Variants in DNAI2 observed in about 807,000 individuals in gnomAD.
The protein encoded by DNAI2 is dynein axonemal intermediate chain 2.
A neutral mutation model predicts 74.7 loss-of-function variants in DNAI2; 63 were observed. That is an observed-to-expected ratio of 0.84 (90% CI 0.69 to 1.04). The LOEUF is 1.04. DNAI2 is among the 50% of genes least tolerant of loss of function. The probability of loss-of-function intolerance (pLI) is 0.00; values close to 1 mark genes in which losing one functional copy is unlikely to be tolerated. For synonymous variants in DNAI2, 289 were observed against 314.9 expected, an observed-to-expected ratio of 0.92 and a Z score of 0.87; for missense variants, 688 against 803.2, an observed-to-expected ratio of 0.86 and a Z score of 1.73.
chr17:74,312,364 C>T, intron 12 of DNAI2, 134 bp downstream of exon 12: 1 of 694,308 alleles, frequency 1.4e-6, no homozygotes, highest in Non-Finnish European at 2.4e-6. Context: ...AATTTATTCA[C>T]CTGGCAAGTG....
intron 5 of DNAI2, 84 bp from the exon 6 acceptor site, chr17:74,290,936 A>G (rs2052051173): frequency 8.3e-7 from 1 of 1,199,234 alleles, no homozygotes; most frequent in Non-Finnish European, 1.2e-6. Context: ...TGCCCCCGCT[A>G]CCCACCCGCA....
At chr17:74,284,954 C>G in intron 2 of DNAI2, 86 bp from the exon 3 acceptor site, 2 of 1,572,824 alleles carry the variant, frequency 1.3e-6, no homozygotes, top group East Asian at 4.5e-5. Context: ...GCCCTGGGAG[C>G]CCCCGTGGGA....
At chr17:74,284,069 C>T (rs1338100867) in intron 2 of DNAI2, among the ~76,000 whole-genome samples, 9 of 148,446 alleles carry the variant, frequency 6.1e-5, no homozygotes, top group South Asian at 2.1e-4. Context: ...ATCCAGGAGG[C>T]GAAGGTTGCA....
At position 74,298,665 on chromosome 17, in the gene DNAI2, C is replaced by T. The variant is rs145184706; in HGVS notation, c.725-1053C>T. On this transcript the variant is annotated intron_variant, in intron 6 of 13. Transcript: ENST00000311014. ...TCACCCAGGCTGGGGTGTAGTGGCACGATCATGGCTCACTGCAGCCTCAAC... is the reference window on the plus strand; with the variant it reads ...TCACCCAGGCTGGGGTGTAGTGGCATGATCATGGCTCACTGCAGCCTCAAC... Among the ~76,000 whole-genome samples, 995 of 152,202 alleles carry T rather than the reference C, an allele frequency of 6.5e-3. 10 individuals carry two copies. The highest frequency in any genetic ancestry group is 0.023 in the African/African-American group (952 of 41,530).
chr17:74,303,116 A>G (rs1297776609), intron 8 of DNAI2, among the ~76,000 whole-genome samples: 1 of 152,212 alleles, frequency 6.6e-6, no homozygotes, highest in Non-Finnish European at 1.5e-5. Flanking sequence ...AAGCTTGTGC[A>G]GTCGCCTACA....
At chr17:74,277,006 C>T (rs986763106) in intron 1 of DNAI2, among the ~76,000 whole-genome samples, 3 of 152,164 alleles carry the variant, frequency 2.0e-5, no homozygotes, top group Non-Finnish European at 4.4e-5. Context: ...TGGGGCACCC[C>T]GCTACAATCT....
At chr17:74,311,870 A>T in intron 11 of DNAI2, 133 bp from the exon 12 acceptor site, 1 of 853,646 alleles carries the variant, frequency 1.2e-6, no homozygotes, top group Non-Finnish European at 1.9e-6. Context: ...AGCCCTGGGT[A>T]CAGACCTCTA....
Position 74,300,518 on chromosome 17 carries a change from C to T in DNAI2, c.865-528C>T, listed in dbSNP as rs946836442. ...GGAGATAGTTTCATATTTCATACAC[C>T]GCTGCCCCATGCCTATTAATAACTG... On this transcript the variant is annotated intron_variant, in intron 7 of 13. Coordinates refer to ENST00000311014, the MANE Select transcript of DNAI2 (RefSeq NM_023036.6). The surrounding 1 kb of genome is among the most constrained non-coding windows in gnomAD (Gnocchi z 4.5). Among the ~76,000 whole-genome samples, 10 of 152,138 alleles carry T rather than the reference C, an allele frequency of 6.6e-5. No homozygotes were observed. Among genetic ancestry groups the T allele is most frequent in the East Asian group, 3.8e-4 (2 of 5,202 alleles).
In DNAI2 at chr17:74,290,371, C is replaced by T. The variant is rs574071851; in HGVS notation, c.610+635C>T. ...GACTGAGAAGGGACTCAAGGGGCGG[C>T]GGAATGGAACTTGTGCCTTTGTCCC... On this transcript the variant is annotated intron_variant, in intron 5 of 13. Coordinates refer to ENST00000311014, the MANE Select transcript of DNAI2 (RefSeq NM_023036.6). Among the ~76,000 whole-genome samples the T allele has an allele frequency of 1.2e-4, 19 of 152,264 alleles. No homozygotes were observed. The East Asian group carries it at 2.7e-3, about 22-fold the overall frequency.
At chr17:74,305,697 C>T (rs1332522874) in intron 9 of DNAI2, among the ~76,000 whole-genome samples, 1 of 114,982 alleles carries the variant, frequency 8.7e-6, no homozygotes, top group Non-Finnish European at 1.7e-5. Flanking sequence ...TTTTTTGAGA[C>T]AGTCTCGCTT....
At position 74,294,286 on chromosome 17, in the gene DNAI2, C is replaced by T. The variant is rs147669330; in HGVS notation, c.724+3153C>T. Reference sequence around the variant, plus strand: ...TATTTTCTAGTGTACCATTTTAATTCCCTTATCATTTCTTTTTTTTTTTTC... The same window carrying T: ...TATTTTCTAGTGTACCATTTTAATTTCCTTATCATTTCTTTTTTTTTTTTC... On this transcript the variant is annotated intron_variant, in intron 6 of 13. Transcript: ENST00000311014. Among the ~76,000 whole-genome samples the T allele has an allele frequency of 1.4e-4, 21 of 149,976 alleles. No homozygotes were observed. In the East Asian group the frequency reaches 4.0e-3, roughly 29 times the overall value.
At chr17:74,281,744 C>A (rs757802545) in intron 1 of DNAI2, 63 bp from the exon 2 acceptor site, 19 of 1,542,638 alleles carry the variant, frequency 1.2e-5, no homozygotes, top group Non-Finnish European at 1.6e-5. Flanking sequence ...CCTGGCAGGA[C>A]CTGTGGAGAT....
intron 8 of DNAI2, among the ~76,000 whole-genome samples, chr17:74,304,340 C>T (rs1214864963): frequency 6.6e-6 from 1 of 151,580 alleles, no homozygotes; most frequent in African/African-American, 2.4e-5. Context: ...CATCTGAGCC[C>T]GTTGACAAAG....
In DNAI2 at chr17:74,281,794, C is replaced by T; in HGVS notation, c.-11-13C>T. 6.2e-7 allele frequency: 1 copy of T among 1,612,844 alleles called. No homozygotes were observed. Among genetic ancestry groups the T allele is most frequent in the Non-Finnish European group, 8.5e-7 (1 of 1,179,934 alleles). ...TGGGGTCCCTCACCCCACACCCTCC[C>T]TCTGCCCCCCAGCAGCCGGCACCAT... On this transcript the variant is annotated splice_polypyrimidine_tract_variant and intron_variant, in intron 1 of 13. Coordinates refer to ENST00000311014, the MANE Select transcript of DNAI2 (RefSeq NM_023036.6).
intron 3 of DNAI2, 87 bp from the exon 4 acceptor site, chr17:74,286,890 C>A: frequency 6.3e-7 from 1 of 1,581,166 alleles, no homozygotes; most frequent in Non-Finnish European, 8.7e-7. Flanking sequence ...CTGGCTATGT[C>A]CTGTCCCTCC....
chr17:74,277,469 G>A (rs9893381), intron 1 of DNAI2, among the ~76,000 whole-genome samples: 28,154 of 152,122 alleles, frequency 0.19, 2,921 homozygotes, highest in African/African-American at 0.27. Flanking sequence ...GTTGCTCTGG[G>A]GCTAGGAGTG....
intron 6 of DNAI2, among the ~76,000 whole-genome samples, chr17:74,296,581 A>G (rs2052460621): frequency 6.6e-6 from 1 of 152,160 alleles, no homozygotes; most frequent in Non-Finnish European, 1.5e-5. Flanking sequence ...CCACTGCCTC[A>G]GGAAGCTGCA....
rs1441537699 is a variant in DNAI2 at position 74,310,151 on chromosome 17, C to A, written c.1482C>A (p.Asn494Lys). The A allele has an allele frequency of 6.2e-7, 1 of 1,613,522 alleles. No homozygotes were observed. Among genetic ancestry groups the A allele is most frequent in the Non-Finnish European group, 8.5e-7 (1 of 1,180,032 alleles). Residue 494 changes from asparagine to lysine, a missense_variant, in exon 11 of 14, where the codon AAC (asparagine) becomes AAA (lysine). By Grantham distance (94) the Asn-to-Lys change is moderately conservative. Coordinates refer to ENST00000311014, the MANE Select transcript of DNAI2 (RefSeq NM_023036.6). The part of the protein sequence containing the change: ...GLSTLQRNEK[N>K]VASSMFERET... ...CTACCCTCCAGAGGAATGAGAAGAA[C>A]GTAGCCTCTTCCGTAAGCACCGGGT...
intron 13 of DNAI2, 114 bp downstream of exon 13, chr17:74,314,385 A>G: frequency 7.4e-7 from 1 of 1,352,454 alleles, no homozygotes; most frequent in Non-Finnish European, 1.0e-6. Context: ...ACTAGCCCCC[A>G]CTGACTCACT....
Sources: gnomAD v4.1 joint callset for allele counts (sites outside exome capture counted in the v4.1 genomes callset) on GRCh38, gnomAD v4.1.1 for gene constraint, Gnocchi (gnomAD v3.1) non-coding constraint, MANE v1.5 for transcripts, NCBI Gene and HGNC (gene_info 2026-07-23, HGNC 2026-07-21) for gene names.